Variants in NCKAP5 observed in about 807,000 individuals in gnomAD.
NCKAP5 encodes the protein NCK associated protein 5, also known as nck-associated protein 5.
Under a neutral mutation model 167.0 loss-of-function variants are expected in NCKAP5, and 92 were observed. The ratio of observed to expected loss-of-function variants is 0.55; its 90% CI spans 0.47 to 0.66. The LOEUF (loss-of-function observed/expected upper bound fraction) is 0.66. Ranked by LOEUF, NCKAP5 falls within the 30% of genes least tolerant of loss-of-function variation. NCKAP5 has a pLI of 0.00. For missense variants in NCKAP5, 2,378 were observed against 2,315.0 expected, an observed-to-expected ratio of 1.03 and a Z score of -0.56; for synonymous variants, 891 against 877.4, an observed-to-expected ratio of 1.02 and a Z score of -0.27.
chr2:132,766,322 A>G (rs949243881), intron 16 of NCKAP5, among the ~76,000 whole-genome samples: 1 of 150,788 alleles, frequency 6.6e-6, no homozygotes, highest in African/African-American at 2.4e-5. Flanking sequence ...ATCATAAGGA[A>G]TGTAAACCAT....
chr2:132,766,091 C>A (rs151111301), intron 16 of NCKAP5, among the ~76,000 whole-genome samples: 2,464 of 151,880 alleles, frequency 0.016, 74 homozygotes, highest in African/African-American at 0.056. Flanking sequence ...ACCATCCTAG[C>A]CAACATGGTG....
At chr2:133,527,275 A>G (rs528794380) in intron 2 of NCKAP5, 42 of 152,330 alleles carry the variant, frequency 2.8e-4, no homozygotes, top group African/African-American at 8.2e-4. Flanking sequence ...TGATGTCCCC[A>G]CACATTGCAG....
chr2:132,694,787 T>C (rs947506116), intron 19 of NCKAP5, among the ~76,000 whole-genome samples: 2 of 152,242 alleles, frequency 1.3e-5, no homozygotes, highest in African/African-American at 4.8e-5. Flanking sequence ...AGGCTCTTTA[T>C]AGAGTCTCTG....
chr2:133,268,798 A>G (rs1348552533), intron 4 of NCKAP5: 1 of 152,178 alleles, frequency 6.6e-6, no homozygotes. Flanking sequence ...TGAATATTTA[A>G]GTTTAGAGTT....
At position 132,680,919 on chromosome 2, in the gene NCKAP5, G is replaced by A. The variant is rs142874692; in HGVS notation, c.5714-7614C>T. Among the ~76,000 whole-genome samples the A allele has an allele frequency of 9.2e-5, 14 of 152,224 alleles. No homozygotes were observed. In the East Asian group the frequency reaches 2.3e-3, roughly 25 times the overall value. On this transcript the variant is annotated intron_variant, in intron 19 of 19. Coordinates refer to ENST00000409261, the MANE Select transcript of NCKAP5 (RefSeq NM_207363.3). Reference sequence around the variant, plus strand: ...AAAATTTGGATTTTCTGTTTTCCAGGGGGGAACAGATCCACAAAGACAATT... The same window carrying A: ...AAAATTTGGATTTTCTGTTTTCCAGAGGGGAACAGATCCACAAAGACAATT...
chr2:133,333,036 T>C (rs567896345), intron 3 of NCKAP5, among the ~76,000 whole-genome samples: 42 of 152,382 alleles, frequency 2.8e-4, no homozygotes, highest in African/African-American at 9.1e-4. Context: ...TTGCCAGCTC[T>C]TTTTTGAAAT....
intron 5 of NCKAP5, among the ~76,000 whole-genome samples, chr2:133,132,233 G>A (rs569028750): frequency 5.5e-4 from 83 of 150,788 alleles, no homozygotes; most frequent in Non-Finnish European, 1.1e-3. Flanking sequence ...GTTGCAGTGA[G>A]CCGAGATTAC....
At chr2:133,516,353 G>A (rs1683994547) in intron 3 of NCKAP5, among the ~76,000 whole-genome samples, 1 of 152,134 alleles carries the variant, frequency 6.6e-6, no homozygotes, top group African/African-American at 2.4e-5. Context: ...GTGAGATGGG[G>A]TCAGATCTAC....
At chr2:132,680,950 C>T (rs993513209) in intron 19 of NCKAP5, among the ~76,000 whole-genome samples, 1 of 152,172 alleles carries the variant, frequency 6.6e-6, no homozygotes, top group African/African-American at 2.4e-5. Flanking sequence ...CAATTTAAAA[C>T]GTAGGTTGAC....
chr2:133,111,873 T>A (rs2081925605), intron 6 of NCKAP5, among the ~76,000 whole-genome samples: 1 of 152,046 alleles, frequency 6.6e-6, no homozygotes, highest in South Asian at 2.1e-4. Context: ...AAAAATCACT[T>A]GAAACTTTCA....
chr2:132,726,629 G>A (rs181487989), intron 18 of NCKAP5, among the ~76,000 whole-genome samples: 6 of 152,322 alleles, frequency 3.9e-5, no homozygotes, highest in Admixed American at 3.3e-4. Context: ...GGTCTCTGAA[G>A]TTTGTTTAGA....
intron 7 of NCKAP5, among the ~76,000 whole-genome samples, chr2:132,991,232 G>A (rs2077439774): frequency 6.6e-6 from 1 of 152,188 alleles, no homozygotes; most frequent in African/African-American, 2.4e-5. Flanking sequence ...CAAAATTGTT[G>A]TGGAGACTGA....
intron 3 of NCKAP5, among the ~76,000 whole-genome samples, chr2:133,462,083 A>T (rs1457358490): frequency 2.6e-5 from 4 of 152,188 alleles, no homozygotes; most frequent in African/African-American, 4.8e-5. Flanking sequence ...TCACATAGGG[A>T]ATGTATTTGC....
chr2:133,134,004 G>A (rs980152850), intron 5 of NCKAP5, among the ~76,000 whole-genome samples: 3 of 152,188 alleles, frequency 2.0e-5, no homozygotes, highest in Non-Finnish European at 2.9e-5. Context: ...GATATGTTGT[G>A]AAAAAATTTA....
chr2:133,148,180 C>T (rs1255316970), intron 5 of NCKAP5, among the ~76,000 whole-genome samples: 1 of 152,044 alleles, frequency 6.6e-6, no homozygotes, highest in Non-Finnish European at 1.5e-5. Context: ...AGAGAAGCCT[C>T]AGTTGCCAGC....
chr2:132,909,548 G>A lies in NCKAP5; in HGVS notation c.580-30632C>T, dbSNP rs1284128377. Reference sequence around the variant, plus strand: ...ATATTCCATTTCCTCAGAGATTATCGACAATGGTTCTGAGATAATATCCAG... The same window carrying A: ...ATATTCCATTTCCTCAGAGATTATCAACAATGGTTCTGAGATAATATCCAG... On this transcript the variant is annotated intron_variant, in intron 8 of 19. Coordinates refer to ENST00000409261, the MANE Select transcript of NCKAP5 (RefSeq NM_207363.3). Among the ~76,000 whole-genome samples, 6 of 151,924 alleles carry A rather than the reference G, an allele frequency of 3.9e-5. 1 individual carries two copies. Among genetic ancestry groups the A allele is most frequent in the South Asian group, 4.2e-4 (2 of 4,814 alleles).
intron 17 of NCKAP5, 111 bp downstream of exon 17, chr2:132,731,626 C>G: frequency 1.7e-6 from 2 of 1,175,750 alleles, no homozygotes; most frequent in South Asian, 3.2e-5. Flanking sequence ...GGAATTTTCA[C>G]ATATCTACAT....
intron 3 of NCKAP5, among the ~76,000 whole-genome samples, chr2:133,426,545 A>G (rs958356227): frequency 7.2e-5 from 11 of 152,168 alleles, no homozygotes; most frequent in Non-Finnish European, 1.3e-4. Context: ...AGAAAACTGC[A>G]GGCTAATATC....
At chr2:133,019,316 T>C (rs1302315797) in intron 6 of NCKAP5, among the ~76,000 whole-genome samples, 2 of 151,986 alleles carry the variant, frequency 1.3e-5, no homozygotes, top group African/African-American at 2.4e-5. Context: ...AATTAATCAA[T>C]AGGGTATTTT....
Sources: gnomAD v4.1 joint callset for allele counts (sites outside exome capture counted in the v4.1 genomes callset) on GRCh38, gnomAD v4.1.1 for gene constraint, MANE v1.5 for transcripts, NCBI Gene and HGNC (gene_info 2026-07-23, HGNC 2026-07-21) for gene names.